Variants in DAOA observed in about 807,000 individuals in gnomAD.
The protein encoded by DAOA is D-amino acid oxidase regulator.
In DAOA, 15 loss-of-function variants were observed where a neutral mutation model predicts 16.4. That is an observed-to-expected ratio of 0.91 (90% CI 0.61 to 1.41). The LOEUF is 1.41. Among genes scored for constraint, DAOA ranks in the 40% most tolerant of loss-of-function variants. DAOA has a pLI of 0.00. For missense variants in DAOA, 230 were observed against 176.8 expected (o/e 1.30, Z -1.71); for synonymous variants, 75 against 59.1 (o/e 1.27, Z -1.23).
At chr13:105,473,725 C>A (rs1017814558) in intron 4 of DAOA, among the ~76,000 whole-genome samples, 1 of 152,060 alleles carries the variant, frequency 6.6e-6, no homozygotes, top group Non-Finnish European at 1.5e-5. Flanking sequence ...GAGCTATAAT[C>A]TGTCTATAAA....
At chr13:105,483,260 G>A (rs564740405) in intron 4 of DAOA, among the ~76,000 whole-genome samples, 13 of 152,164 alleles carry the variant, frequency 8.5e-5, no homozygotes, top group Admixed American at 4.6e-4. Flanking sequence ...TCTGTTGATG[G>A]GCATTAGAGT....
chr13:105,470,053 A>AC (rs1283827205), intron 3 of DAOA, among the ~76,000 whole-genome samples: 1 of 148,546 alleles, frequency 6.7e-6, no homozygotes, highest in Non-Finnish European at 1.5e-5. Flanking sequence ...AATTTGATCT[A>AC]CTTTTTTTTT....
intron 4 of DAOA, among the ~76,000 whole-genome samples, chr13:105,479,766 A>G (rs964598956): frequency 5.3e-5 from 8 of 152,118 alleles, no homozygotes; most frequent in African/African-American, 1.9e-4. Flanking sequence ...AAATGACATA[A>G]ATTTTGAGGG....
intron 4 of DAOA, among the ~76,000 whole-genome samples, chr13:105,481,297 G>A (rs548716319): frequency 4.4e-4 from 67 of 152,194 alleles, no homozygotes; most frequent in Non-Finnish European, 8.5e-4. Flanking sequence ...TGGTGAACAT[G>A]CCATTATCAT....
chr13:105,469,231 C>G lies in DAOA; in HGVS notation c.133+2090C>G, dbSNP rs1265036158. Among the ~76,000 whole-genome samples the G allele has an allele frequency of 3.9e-5, 6 of 152,290 alleles. No homozygotes were observed. The East Asian group carries it at 1.2e-3, about 29-fold the overall frequency. On this transcript the variant is annotated intron_variant, in intron 3 of 5. Coordinates refer to ENST00000375936, the MANE Select transcript of DAOA (RefSeq NM_172370.5). ...GAGGGCAGAATTTTCCTTATGTTCT[C>G]TTATCACCATCCACACTGTCTTAAC...
intron 4 of DAOA, among the ~76,000 whole-genome samples, chr13:105,478,120 C>G (rs1443752307): frequency 6.6e-6 from 1 of 152,128 alleles, no homozygotes; most frequent in Admixed American, 6.5e-5. Context: ...GCCAAAGCAG[C>G]CTATAAGAAA....
chr13:105,481,966 G>A (rs1019995452), intron 4 of DAOA, among the ~76,000 whole-genome samples: 1 of 152,184 alleles, frequency 6.6e-6, no homozygotes, highest in Non-Finnish European at 1.5e-5. Context: ...CCACATGGCT[G>A]AGAAGGCCTT....
intron 4 of DAOA, among the ~76,000 whole-genome samples, chr13:105,480,335 G>C (rs1258867047): frequency 6.6e-6 from 1 of 152,020 alleles, no homozygotes; most frequent in Non-Finnish European, 1.5e-5. Flanking sequence ...TTTCTGGCTT[G>C]TGTATTACAT....
chr13:105,488,033 T>A (rs1366982343), intron 4 of DAOA, among the ~76,000 whole-genome samples: 1 of 152,078 alleles, frequency 6.6e-6, no homozygotes, highest in African/African-American at 2.4e-5. Flanking sequence ...AACTAATGGA[T>A]GTGAATAAGC....
intron 4 of DAOA, among the ~76,000 whole-genome samples, chr13:105,478,891 C>T (rs1877520956): frequency 6.6e-6 from 1 of 152,164 alleles, no homozygotes; most frequent in African/African-American, 2.4e-5. Context: ...AATGGGTGAT[C>T]TTCAATTTTT....
At chr13:105,479,092 CT>C (rs1293144880) in intron 4 of DAOA, among the ~76,000 whole-genome samples, 9 of 152,154 alleles carry the variant, frequency 5.9e-5, no homozygotes, top group African/African-American at 2.2e-4. Context: ...ATCTTTATCT[CT>C]TTATCTTCGC....
chr13:105,489,216 G>C (rs753661771), intron 4 of DAOA, among the ~76,000 whole-genome samples: 2 of 152,174 alleles, frequency 1.3e-5, no homozygotes, highest in Non-Finnish European at 2.9e-5. Flanking sequence ...ATGTAAGATG[G>C]ATGTCAAGTT....
At chr13:105,484,675 C>T (rs1031615944) in intron 4 of DAOA, among the ~76,000 whole-genome samples, 1 of 152,092 alleles carries the variant, frequency 6.6e-6, no homozygotes, top group African/African-American at 2.4e-5. Context: ...TGAAACCTCA[C>T]TAAAATCATG....
intron 4 of DAOA, among the ~76,000 whole-genome samples, chr13:105,476,728 T>C (rs906811341): frequency 2.0e-5 from 3 of 152,028 alleles, no homozygotes; most frequent in African/African-American, 7.2e-5. Flanking sequence ...AATTTCCTTA[T>C]ACCCAAGGCA....
chr13:105,489,780 G>T lies in DAOA; in HGVS notation c.282-121G>T, dbSNP rs564071871. 54 of 1,602,252 alleles carry T rather than the reference G, an allele frequency of 3.4e-5. 1 individual carries two copies. In the Admixed American group the frequency reaches 7.7e-4, roughly 23 times the overall value. On this transcript the variant is annotated intron_variant, in intron 4 of 5. Transcript: ENST00000375936. ...CACATTTGTATAACCCCTTACCCTT[G>T]AATGTGGGCAGGAGCTGGGACTTCT...
intron 1 of DAOA, 23 bp downstream of exon 1, chr13:105,466,083 C>T (rs1876490368): frequency 3.0e-6 from 2 of 673,112 alleles, no homozygotes; most frequent in Non-Finnish European, 4.8e-6. Context: ...TGGATACATA[C>T]ATAACAGTGA....
intron 4 of DAOA, among the ~76,000 whole-genome samples, chr13:105,473,291 T>G (rs570497358): frequency 6.6e-6 from 1 of 152,072 alleles, no homozygotes. Context: ...TCTGATGCTA[T>G]CTATCTTTTT....
At chr13:105,480,285 G>A (rs533609901) in intron 4 of DAOA, among the ~76,000 whole-genome samples, 345 of 152,218 alleles carry the variant, frequency 2.3e-3, no homozygotes, top group Non-Finnish European at 3.2e-3. Flanking sequence ...TTGTGGTAGT[G>A]AAATGAGCTG....
chr13:105,480,368 T>C (rs1349823956), intron 4 of DAOA, among the ~76,000 whole-genome samples: 2 of 152,038 alleles, frequency 1.3e-5, no homozygotes, highest in African/African-American at 4.8e-5. Flanking sequence ...GTGTTTTTGG[T>C]TCCTAAGAGT....
Sources: allele counts gnomAD v4.1 joint callset (sites outside exome capture counted in the v4.1 genomes callset), GRCh38; gene constraint gnomAD v4.1.1; transcripts MANE v1.5; gene names NCBI Gene and HGNC (gene_info 2026-07-23, HGNC 2026-07-21).